The following ZNF518A variants were observed in gnomAD, a reference collection of about 807,000 sequenced individuals.
ZNF518A encodes zinc finger protein 518.
A neutral mutation model predicts 102.7 loss-of-function variants in ZNF518A; 47 were observed. The ratio of observed to expected loss-of-function variants is 0.46; its 90% CI spans 0.36 to 0.58. The LOEUF is 0.58. Ranked by LOEUF, ZNF518A falls within the 20% of genes least tolerant of loss-of-function variation. The pLI is 0.00. For missense variants in ZNF518A, 1,793 were observed against 1,699.8 expected (o/e 1.05, Z -0.96); for synonymous variants, 652 against 594.6 (o/e 1.10, Z -1.40).
Position 96,158,288 on chromosome 10 carries a change from G to A in ZNF518A, c.1966G>A (p.Gly656Arg). 1 of 1,613,558 alleles carries A rather than the reference G, an allele frequency of 6.2e-7. No homozygotes were observed. Among genetic ancestry groups the A allele is most frequent in the Non-Finnish European group, 8.5e-7 (1 of 1,179,632 alleles). The change falls in exon 6 of 6, where the codon GGA (glycine) becomes AGA (arginine). Residue 656 changes from glycine to arginine, a missense_variant. By Grantham distance (125) the Gly-to-Arg change is moderately radical. Coordinates refer to ENST00000316045, the MANE Select transcript of ZNF518A (RefSeq NM_001330736.2). ...NNSNKRRRFS[G>R]TAVYENPQRE... ...TTCTAATAAACGTCGTAGGTTTTCA[G>A]GAACAGCAGTGTATGAAAACCCTCA...
chr10:96,146,731 C>T (rs1457832889), intron 3 of ZNF518A, among the ~76,000 whole-genome samples: 1 of 152,212 alleles, frequency 6.6e-6, no homozygotes, highest in African/African-American at 2.4e-5. Context: ...ATTGTGTTCT[C>T]TCTGGTCATA....
At chr10:96,195,194 C>T (rs2083435097) in intron 1 of ZNF518A, among the ~76,000 whole-genome samples, 1 of 152,102 alleles carries the variant, frequency 6.6e-6, no homozygotes, top group African/African-American at 2.4e-5. Context: ...GAAGTTAAAC[C>T]CTCGTGTGCT....
chr10:96,178,321 A>T (rs2083217916), intron 1 of ZNF518A, among the ~76,000 whole-genome samples: 1 of 152,134 alleles, frequency 6.6e-6, no homozygotes, highest in African/African-American at 2.4e-5. Flanking sequence ...ATTCCTGAAT[A>T]CATGGAAATT....
At chr10:96,151,950 A>G (rs1554880484) in intron 3 of ZNF518A, among the ~76,000 whole-genome samples, 1 of 152,146 alleles carries the variant, frequency 6.6e-6, no homozygotes, top group East Asian at 1.9e-4. Flanking sequence ...ACTTATTGAG[A>G]TGTTGGTCAA....
intron 1 of ZNF518A, chr10:96,196,836 T>A: frequency 6.9e-7 from 1 of 1,448,494 alleles, no homozygotes; most frequent in Non-Finnish European, 9.7e-7. Context: ...ATCTCTAGCA[T>A]CTAATACAGT....
At chr10:96,178,809 A>C (rs998982083) in intron 1 of ZNF518A, among the ~76,000 whole-genome samples, 2 of 152,048 alleles carry the variant, frequency 1.3e-5, no homozygotes, top group Non-Finnish European at 2.9e-5. Context: ...TATACAAATA[A>C]ATTTGGTATC....
At chr10:96,140,355 A>G (rs1395225999) in intron 3 of ZNF518A, among the ~76,000 whole-genome samples, 4 of 152,100 alleles carry the variant, frequency 2.6e-5, no homozygotes, top group African/African-American at 9.7e-5. Context: ...ACCTAGAGAA[A>G]AATTAAACCA....
chr10:96,183,794 A>T (rs12240870), intron 1 of ZNF518A, among the ~76,000 whole-genome samples: 36,474 of 152,098 alleles, frequency 0.24, 5,632 homozygotes, highest in Middle Eastern at 0.36. Context: ...TATTCTGTTG[A>T]TTTGGGGTGG....
chr10:96,135,889 C>T (rs1554874255), intron 3 of ZNF518A, among the ~76,000 whole-genome samples: 1 of 152,032 alleles, frequency 6.6e-6, no homozygotes, highest in African/African-American at 2.4e-5. Flanking sequence ...GCAGGTTGGC[C>T]CATTTAGGAA....
downstream of ZNF518A, among the ~76,000 whole-genome samples, chr10:96,164,860 T>C (rs2083111172): frequency 6.6e-6 from 1 of 152,148 alleles, no homozygotes. Context: ...AAACCAAAAG[T>C]AAGGGTTATG....
intron 3 of ZNF518A, among the ~76,000 whole-genome samples, chr10:96,136,658 T>TA (rs138883279): frequency 4.6e-5 from 7 of 150,910 alleles, no homozygotes; most frequent in Admixed American, 1.3e-4. Flanking sequence ...CATCTCTATT[T>TA]AAAAAAAAAT....
rs782133180 is a variant in ZNF518A at position 96,160,812 on chromosome 10, C to T, written c.*38C>T. ...ACCAAGGAAAAGAAAAGTAAAATTA[C>T]CTTAGAAGAAAACAACGGGTTCAGT... On this transcript the variant is annotated 3_prime_UTR_variant, in exon 6 of 6. Transcript: ENST00000316045. The T allele has an allele frequency of 4.1e-6, 6 of 1,479,002 alleles. No individual in the cohort carries two copies. In the South Asian group the frequency reaches 8.9e-5, roughly 22 times the overall value. 91.6% of individuals were successfully genotyped at this position (1,479,002 alleles called of 1,614,324 possible).
At position 96,160,490 on chromosome 10, in the gene ZNF518A, C is replaced by T. The variant is rs1554887307; in HGVS notation, c.4168C>T (p.Pro1390Ser). 1 of 1,613,140 alleles carries T rather than the reference C, an allele frequency of 6.2e-7. No homozygotes were observed. Among genetic ancestry groups the T allele is most frequent in the African/African-American group, 1.3e-5 (1 of 74,998 alleles). The change falls in exon 6 of 6, where the codon CCA becomes TCA. Residue 1390 changes from proline (P) to serine (S), a missense_variant. Physicochemically the swap from Pro to Ser is moderately conservative, Grantham distance 74. Coordinates refer to ENST00000316045, the MANE Select transcript of ZNF518A (RefSeq NM_001330736.2). ...AAGAACTATAAATGCTTTACTGAAACCAGTTTGTTATAACCCTCCTAAAAC... is the reference window on the plus strand; with the variant it reads ...AAGAACTATAAATGCTTTACTGAAATCAGTTTGTTATAACCCTCCTAAAAC... ...SKRTINALLKPVCYNPPKTTY... is the reference protein window; with the variant it reads ...SKRTINALLKSVCYNPPKTTY...
Position 96,134,294 on chromosome 10 carries a change from G to C in ZNF518A, c.-302+646G>C, listed in dbSNP as rs1177720007. On this transcript the variant is annotated intron_variant, in intron 3 of 5. Coordinates refer to ENST00000316045, the MANE Select transcript of ZNF518A (RefSeq NM_001330736.2). ...CACCCAGGCTGGAGTGCAGTGGCGC[G>C]ATCTCGGCTCACTACAACCTCTGCC... 3.9e-5 allele frequency among the ~76,000 whole-genome samples: 6 copies of C among 152,158 alleles called. No individual in the cohort carries two copies. In the East Asian group the frequency reaches 5.8e-4, roughly 15 times the overall value.
chr10:96,158,708 G>T lies in ZNF518A; in HGVS notation c.2386G>T (p.Asp796Tyr). The change falls in exon 6 of 6, where the codon GAT becomes TAT. Residue 796 changes from aspartate (D) to tyrosine (Y), a missense_variant. Coordinates refer to ENST00000316045, the MANE Select transcript of ZNF518A (RefSeq NM_001330736.2). ...LLQDVLKIKP[D>Y]VKQDSSNTPN... ...TCAGGATGTATTGAAAATAAAACCT[G>T]ATGTAAAACAAGACTCTAGTAACAC... The T allele has an allele frequency of 6.8e-6, 11 of 1,613,332 alleles. No homozygotes were observed. Among genetic ancestry groups the T allele is most frequent in the Non-Finnish European group, 9.3e-6 (11 of 1,179,606 alleles).
At chr10:96,204,493 A>G (rs782199404), downstream of ZNF518A, 40 of 1,595,154 alleles carry the variant, frequency 2.5e-5, no homozygotes, top group Non-Finnish European at 3.3e-5. Context: ...TTCCTGCAGC[A>G]ACAAGAGGAA....
chr10:96,200,209 A>G lies in ZNF518A; in HGVS notation n.36-3365A>G. On this transcript the variant is annotated intron_variant and non_coding_transcript_variant, in intron 1 of 2. Coordinates refer to the ZNF518A transcript ENST00000442635. The surrounding 1 kb of genome is among the most constrained non-coding windows in gnomAD (Gnocchi z 4.3). ...CATGGGATGGTCCCTACTTAACTCT[A>G]ATTTCTGTGTACTAGAAACAAAGAC... 6.7e-7 allele frequency: 1 copy of G among 1,494,386 alleles called. No homozygotes were observed. Among genetic ancestry groups the G allele is most frequent in the Non-Finnish European group, 9.3e-7 (1 of 1,072,708 alleles). 92.6% of individuals were successfully genotyped at this position (1,494,386 alleles called of 1,614,324 possible). A position where few individuals can be genotyped will look rare whatever the true frequency, so the allele number is the denominator to read the frequency against.
Position 96,194,768 on chromosome 10 carries a change from A to ATT in ZNF518A, n.36-8787_36-8786dup, listed in dbSNP as rs71034364. Among the ~76,000 whole-genome samples, 474 of 110,270 alleles carry ATT rather than the reference A, an allele frequency of 4.3e-3. 11 individuals carry two copies. Among genetic ancestry groups the ATT allele is most frequent in the African/African-American group, 7.5e-3 (236 of 31,322 alleles). 72.3% of individuals were successfully genotyped at this position (110,270 alleles called of 152,430 possible). On this transcript the variant is annotated intron_variant and non_coding_transcript_variant, in intron 1 of 2. Coordinates refer to the ZNF518A transcript ENST00000442635. ...ATCACTAATCATCAGAGAAATGCAA[A>ATT]TTTTTTTTTTTTTTTTTTTTGAGAC...
At chr10:96,142,306 GTGTGT>G (rs1429433117) in intron 3 of ZNF518A, among the ~76,000 whole-genome samples, 2 of 85,660 alleles carry the variant, frequency 2.3e-5, no homozygotes, top group East Asian at 2.3e-4. Flanking sequence ...TATTCTTAGG[GTGTGT>G]GTGTGTGTGT....
Sources: allele counts gnomAD v4.1 joint callset (sites outside exome capture counted in the v4.1 genomes callset), GRCh38; gene constraint gnomAD v4.1.1; non-coding constraint Gnocchi (gnomAD v3.1); transcripts MANE v1.5; gene names NCBI Gene and HGNC (gene_info 2026-07-23, HGNC 2026-07-21).